The following CNTLN variants were observed in gnomAD, a reference collection of about 807,000 sequenced individuals.
The protein encoded by CNTLN is centlein, also known as centlein, centrosomal protein.
CNTLN carries 212 observed loss-of-function variants against 180.0 expected under a neutral mutation model. That is an observed-to-expected ratio of 1.18 (90% confidence interval 1.05 to 1.32). The LOEUF is 1.32. Among genes scored for constraint, CNTLN ranks in the 40% most tolerant of loss-of-function variants. CNTLN has a pLI of 0.00. For synonymous variants in CNTLN, 722 were observed against 563.1 expected (o/e 1.28, Z -3.99); for missense variants, 2,095 against 1,610.9 (o/e 1.30, Z -5.14).
intron 16 of CNTLN, among the ~76,000 whole-genome samples, chr9:17,413,222 A>G (rs1827985470): frequency 2.0e-5 from 3 of 152,112 alleles, no homozygotes; most frequent in Admixed American, 2.0e-4. Context: ...CAAAAAATAT[A>G]GGAACCTATA....
At chr9:17,303,203 C>G (rs559474820) in intron 7 of CNTLN, among the ~76,000 whole-genome samples, 24 of 152,204 alleles carry the variant, frequency 1.6e-4, no homozygotes, top group Middle Eastern at 3.4e-3. Context: ...ATTATAAAGC[C>G]AACAGTATAG....
chr9:17,382,368 A>G lies in CNTLN; in HGVS notation c.1988-5794A>G, dbSNP rs532600880. Among the ~76,000 whole-genome samples, 28 of 152,374 alleles carry G rather than the reference A, an allele frequency of 1.8e-4. 1 individual carries two copies. The South Asian group carries it at 5.2e-3, about 28-fold the overall frequency. On this transcript the variant is annotated intron_variant, in intron 13 of 25. Coordinates refer to ENST00000380647, the MANE Select transcript of CNTLN (RefSeq NM_017738.4). ...GATACATACCAAAAAGAACATCACC[A>G]AAACAATCAAGCCTTCGGAAATGGT...
intron 14 of CNTLN, among the ~76,000 whole-genome samples, chr9:17,389,892 A>G (rs1011338777): frequency 2.0e-5 from 3 of 152,152 alleles, no homozygotes; most frequent in Admixed American, 2.0e-4. Flanking sequence ...TAAAGAGGTA[A>G]TTAAGTTAAA....
rs1347314103 is a variant in CNTLN at position 17,289,655 on chromosome 9, G to A, written c.984-8535G>A. Among the ~76,000 whole-genome samples the A allele has an allele frequency of 6.2e-5, 8 of 128,306 alleles. 1 individual carries two copies. The highest frequency in any genetic ancestry group is 4.4e-4 in the East Asian group (2 of 4,502). 84.2% of individuals were successfully genotyped at this position (128,306 alleles called of 152,430 possible). A position where few individuals can be genotyped will look rare whatever the true frequency, so the allele number is the denominator to read the frequency against. On this transcript the variant is annotated intron_variant, in intron 6 of 25. Coordinates refer to ENST00000380647, the MANE Select transcript of CNTLN (RefSeq NM_017738.4). ...TCACTTTCAGGTACACCAATCAGAC[G>A]TAGATTTGGTCTTTTCACATAGTCC...
At chr9:17,385,783 A>G (rs578239669) in intron 13 of CNTLN, among the ~76,000 whole-genome samples, 19 of 152,330 alleles carry the variant, frequency 1.2e-4, no homozygotes, top group Non-Finnish European at 2.6e-4. Context: ...TAAGTAATAT[A>G]GAGATTATTT....
chr9:17,422,047 C>A (rs904777998), intron 18 of CNTLN, among the ~76,000 whole-genome samples: 2 of 152,090 alleles, frequency 1.3e-5, no homozygotes, highest in Non-Finnish European at 2.9e-5. Flanking sequence ...GGTTGTAGAA[C>A]TCCCTTTAGC....
intron 10 of CNTLN, among the ~76,000 whole-genome samples, chr9:17,333,405 C>T (rs145757506): frequency 0.013 from 1,954 of 152,080 alleles, 50 homozygotes; most frequent in African/African-American, 0.045. Context: ...TCTTCATTCA[C>T]AATTACCTGA....
At chr9:17,265,974 C>G (rs1203955034) in intron 5 of CNTLN, among the ~76,000 whole-genome samples, 5 of 151,858 alleles carry the variant, frequency 3.3e-5, no homozygotes, top group African/African-American at 1.2e-4. Context: ...TTTTGTTGAT[C>G]TTTTCAAAAA....
At chr9:17,442,277 C>T (rs1830156196) in intron 18 of CNTLN, among the ~76,000 whole-genome samples, 1 of 152,186 alleles carries the variant, frequency 6.6e-6, no homozygotes, top group South Asian at 2.1e-4. Flanking sequence ...AGGCCAAAAA[C>T]ATACCTTAAA....
At chr9:17,471,799 A>G (rs1011471860) in intron 23 of CNTLN, among the ~76,000 whole-genome samples, 1 of 152,076 alleles carries the variant, frequency 6.6e-6, no homozygotes, top group Non-Finnish European at 1.5e-5. Context: ...TTTGTAACAG[A>G]TAAGAGAGAA....
At chr9:17,162,784 A>T (rs182907875) in intron 2 of CNTLN, among the ~76,000 whole-genome samples, 1 of 152,312 alleles carries the variant, frequency 6.6e-6, no homozygotes. Flanking sequence ...AAAGTCAGTC[A>T]ATAGAAACAT....
intron 2 of CNTLN, among the ~76,000 whole-genome samples, chr9:17,194,350 T>C (rs879884101): frequency 6.6e-6 from 1 of 152,244 alleles, no homozygotes; most frequent in Non-Finnish European, 1.5e-5. Flanking sequence ...CTAAATGTCT[T>C]TAACAGTATC....
intron 10 of CNTLN, among the ~76,000 whole-genome samples, chr9:17,338,387 G>A (rs944814921): frequency 3.6e-5 from 5 of 138,056 alleles, no homozygotes; most frequent in Non-Finnish European, 7.6e-5. Context: ...TGGCCAGTCC[G>A]GTCTCAAACT....
At chr9:17,195,044 C>G (rs1284911063) in intron 2 of CNTLN, among the ~76,000 whole-genome samples, 1 of 152,086 alleles carries the variant, frequency 6.6e-6, no homozygotes, top group Admixed American at 6.5e-5. Flanking sequence ...CCTCCCATAA[C>G]GTGGGAATTA....
At chr9:17,140,566 G>A (rs1284059232) in intron 1 of CNTLN, among the ~76,000 whole-genome samples, 1 of 152,060 alleles carries the variant, frequency 6.6e-6, no homozygotes, top group African/African-American at 2.4e-5. Flanking sequence ...TCAGTCTCCT[G>A]AGTAGCTGGA....
intron 5 of CNTLN, among the ~76,000 whole-genome samples, chr9:17,242,268 A>T (rs1055938590): frequency 3.3e-5 from 5 of 150,962 alleles, no homozygotes; most frequent in African/African-American, 1.2e-4. Flanking sequence ...GAATTTTATC[A>T]AATGCTTTTT....
At chr9:17,207,802 C>A (rs1407986784) in intron 2 of CNTLN, among the ~76,000 whole-genome samples, 1 of 152,098 alleles carries the variant, frequency 6.6e-6, no homozygotes, top group Non-Finnish European at 1.5e-5. Context: ...TTTTCCCCTC[C>A]CTTGTATGCT....
intron 2 of CNTLN, among the ~76,000 whole-genome samples, chr9:17,177,839 A>G (rs542557203): frequency 1.3e-5 from 2 of 152,272 alleles, no homozygotes; most frequent in South Asian, 2.1e-4. Context: ...CTTCCACAGT[A>G]TGGAAGGGGA....
intron 2 of CNTLN, among the ~76,000 whole-genome samples, chr9:17,206,558 C>T (rs1256836033): frequency 6.6e-6 from 1 of 152,188 alleles, no homozygotes; most frequent in African/African-American, 2.4e-5. Flanking sequence ...TTTAATTCTC[C>T]TGTGCTTATC....
Sources: allele counts gnomAD v4.1 joint callset (sites outside exome capture counted in the v4.1 genomes callset), GRCh38; gene constraint gnomAD v4.1.1; transcripts MANE v1.5; gene names NCBI Gene and HGNC (gene_info 2026-07-23, HGNC 2026-07-21).